Variants in PCDHGA7 observed in about 807,000 individuals in gnomAD.
PCDHGA7 encodes the protein protocadherin gamma-A7.
Under a neutral mutation model 58.3 loss-of-function variants are expected in PCDHGA7, and 44 were observed. That is an observed-to-expected ratio of 0.75 (90% confidence interval 0.59 to 0.97). The LOEUF is 0.97. PCDHGA7 is among the 50% of genes least tolerant of loss of function. PCDHGA7 has a pLI of 0.00. For missense variants in PCDHGA7, 1,266 were observed against 1,188.7 expected, an observed-to-expected ratio of 1.06 and a Z score of -0.96; for synonymous variants, 516 against 504.2, an observed-to-expected ratio of 1.02 and a Z score of -0.31.
chr5:141,504,941 T>G (rs2099842166), intron 2 of PCDHGA7, among the ~76,000 whole-genome samples: 1 of 152,046 alleles, frequency 6.6e-6, no homozygotes, highest in East Asian at 1.9e-4. Flanking sequence ...GGTGGGGGAA[T>G]GCACTATGTT....
intron 1 of PCDHGA7, among the ~76,000 whole-genome samples, chr5:141,483,094 G>C (rs1304382782): frequency 6.6e-6 from 1 of 152,058 alleles, no homozygotes; most frequent in African/African-American, 2.4e-5. Context: ...CAAAAAAAAA[G>C]TGTGCGTGTA....
intron 1 of PCDHGA7, chr5:141,393,162 T>C (rs771570808): frequency 3.1e-6 from 5 of 1,613,142 alleles, no homozygotes; most frequent in Admixed American, 1.7e-5. Context: ...AGGAAAACTC[T>C]TTGGGGTAGA....
At position 141,384,825 on chromosome 5, in the gene PCDHGA7, C is replaced by T. The variant is rs570988671; in HGVS notation, c.1926C>T (p.Leu642=). The change falls in exon 1 of 4, where the codon CTC becomes CTT. Residue 642 remains leucine, a synonymous_variant. Transcript: ENST00000518325. The part of the protein sequence containing the change: ...LLDRDALKQS[L]VVAVQDHGQP... ...ACAGAGATGCCCTCAAGCAGAGCCT[C>T]GTGGTGGCCGTCCAGGACCACGGTC... The T allele has an allele frequency of 5.0e-6, 8 of 1,613,474 alleles. No homozygotes were observed. The African/African-American group carries it at 9.3e-5, about 19-fold the overall frequency.
chr5:141,456,389 TTTGA>T (rs1181323617), intron 1 of PCDHGA7, among the ~76,000 whole-genome samples: 2 of 152,074 alleles, frequency 1.3e-5, no homozygotes, highest in Non-Finnish European at 2.9e-5. Flanking sequence ...CCGTTTGGAG[TTTGA>T]TTGCTTCTAG....
chr5:141,414,644 A>C lies in PCDHGA7; in HGVS notation c.2424+29321A>C, dbSNP rs1310121141. 6.2e-7 allele frequency: 1 copy of C among 1,613,982 alleles called. No individual in the cohort carries two copies. Among genetic ancestry groups the C allele is most frequent in the Non-Finnish European group, 8.5e-7 (1 of 1,179,894 alleles). ...GACCCGGACAGCAAAGAGAATGCCC[A>C]GATTATTTACTCCCTGGCTGAAGAC... On this transcript the variant is annotated intron_variant, in intron 1 of 3. Transcript: ENST00000518325.
At position 141,432,579 on chromosome 5, in the gene PCDHGA7, G is replaced by T; in HGVS notation, c.2424+47256G>T. On this transcript the variant is annotated intron_variant, in intron 1 of 3. Coordinates refer to ENST00000518325, the MANE Select transcript of PCDHGA7 (RefSeq NM_018920.4). This position sits in a 1 kb window ranked among gnomAD's most constrained non-coding sequence, Gnocchi z 6.0. ...GGCCAGAACGCCTGGCTGTCCTACC[G>T]TCTGCTCAAGGCCAGCGAGCCGGGA... is the stretch of plus-strand genomic sequence containing the variant. 1 of 1,613,860 alleles carries T rather than the reference G, an allele frequency of 6.2e-7. No homozygotes were observed. Among genetic ancestry groups the T allele is most frequent in the Non-Finnish European group, 8.5e-7 (1 of 1,179,984 alleles).
At chr5:141,397,024 A>G (rs188506780) in intron 1 of PCDHGA7, among the ~76,000 whole-genome samples, 30 of 152,358 alleles carry the variant, frequency 2.0e-4, no homozygotes, top group African/African-American at 7.2e-4. Flanking sequence ...AAGGTTGACC[A>G]ATGTCCACAA....
chr5:141,483,786 C>T (rs2099587125), intron 1 of PCDHGA7, among the ~76,000 whole-genome samples: 1 of 152,136 alleles, frequency 6.6e-6, no homozygotes, highest in African/African-American at 2.4e-5. Context: ...AGGATAAGAA[C>T]TCCAGTTGTT....
intron 1 of PCDHGA7, chr5:141,388,705 A>G: frequency 6.2e-7 from 1 of 1,613,994 alleles, no homozygotes; most frequent in African/African-American, 1.3e-5. Flanking sequence ...GAGGGTGTCA[A>G]TGCCGAGATT....
At chr5:141,456,919 C>G (rs2098898169) in intron 1 of PCDHGA7, among the ~76,000 whole-genome samples, 1 of 152,124 alleles carries the variant, frequency 6.6e-6, no homozygotes, top group African/African-American at 2.4e-5. Flanking sequence ...GCCGAGATCG[C>G]ACCACTGCAC....
In PCDHGA7 at chr5:141,431,937, A is replaced by T; in HGVS notation, c.2424+46614A>T. On this transcript the variant is annotated intron_variant, in intron 1 of 3. Coordinates refer to ENST00000518325, the MANE Select transcript of PCDHGA7 (RefSeq NM_018920.4). The surrounding 1 kb of genome is among the most constrained non-coding windows in gnomAD (Gnocchi z 4.8). ...TTCATCCAAGGAAATCTGCCCTTTAAATTAGAAAAATCTTACGGAAATTAC... is the reference window on the plus strand; with the variant it reads ...TTCATCCAAGGAAATCTGCCCTTTATATTAGAAAAATCTTACGGAAATTAC... The T allele has an allele frequency of 6.2e-7, 1 of 1,614,144 alleles. No individual in the cohort carries two copies. The highest frequency in any genetic ancestry group is 8.5e-7 in the Non-Finnish European group (1 of 1,180,014).
intron 1 of PCDHGA7, chr5:141,423,658 CA>C: frequency 6.4e-7 from 1 of 1,571,150 alleles, no homozygotes; most frequent in Non-Finnish European, 8.6e-7. Flanking sequence ...GACAAGTAAT[CA>C]GGTGAGATTT....
chr5:141,407,027 CT>C (rs1297630291), intron 1 of PCDHGA7, among the ~76,000 whole-genome samples: 1 of 152,128 alleles, frequency 6.6e-6, no homozygotes, highest in Non-Finnish European at 1.5e-5. Context: ...AAATTCTATG[CT>C]AAACATGTGA....
chr5:141,418,087 C>T (rs2096220274), intron 1 of PCDHGA7: 9 of 1,613,894 alleles, frequency 5.6e-6, no homozygotes, highest in Non-Finnish European at 7.6e-6. Flanking sequence ...TGCACTTCAG[C>T]GTAGACGCGC....
intron 2 of PCDHGA7, among the ~76,000 whole-genome samples, chr5:141,498,114 G>C (rs1336064850): frequency 6.6e-6 from 1 of 152,196 alleles, no homozygotes; most frequent in East Asian, 1.9e-4. Flanking sequence ...CGTATAATAG[G>C]GATTTGATTT....
intron 1 of PCDHGA7, among the ~76,000 whole-genome samples, chr5:141,386,959 G>A (rs1339408726): frequency 6.6e-6 from 1 of 152,220 alleles, no homozygotes; most frequent in Non-Finnish European, 1.5e-5. Flanking sequence ...CAGTGCAGCA[G>A]ATCTCAGTGA....
At position 141,485,073 on chromosome 5, in the gene PCDHGA7, C is replaced by T. The variant is rs1167407526; in HGVS notation, c.2425-9734C>T. ...CGGCCGAACCGCGCCAGAGCTGGCG[C>T]GGGGAAAGGGAGATAGGTGTCTCCA... On this transcript the variant is annotated intron_variant, in intron 1 of 3. Transcript: ENST00000518325. The surrounding 1 kb of genome is among the most constrained non-coding windows in gnomAD (Gnocchi z 5.7). 3.3e-6 allele frequency: 3 copies of T among 922,354 alleles called. No homozygotes were observed. The highest frequency in any genetic ancestry group is 4.8e-5 in the East Asian group (2 of 41,404). 57.1% of individuals were successfully genotyped at this position (922,354 alleles called of 1,614,324 possible).
intron 1 of PCDHGA7, chr5:141,419,568 A>T: frequency 1.2e-6 from 2 of 1,611,742 alleles, no homozygotes; most frequent in African/African-American, 2.7e-5. Flanking sequence ...CTGGGTCCCG[A>T]CGGCTCCGCG....
intron 1 of PCDHGA7, among the ~76,000 whole-genome samples, chr5:141,442,917 G>A (rs1041756930): frequency 6.6e-6 from 1 of 152,178 alleles, no homozygotes; most frequent in Non-Finnish European, 1.5e-5. Context: ...GCACACAACT[G>A]TTTCATTTTC....
Sources: allele counts gnomAD v4.1 joint callset (sites outside exome capture counted in the v4.1 genomes callset), GRCh38; gene constraint gnomAD v4.1.1; non-coding constraint Gnocchi (gnomAD v3.1); transcripts MANE v1.5; gene names NCBI Gene and HGNC (gene_info 2026-07-23, HGNC 2026-07-21).